The following SPECC1 variants were observed in gnomAD, a reference collection of about 807,000 sequenced individuals.
The protein encoded by SPECC1 is sperm antigen with calponin homology and coiled-coil domains 1, also known as cytospin-B.
A neutral mutation model predicts 104.1 loss-of-function variants in SPECC1; 62 were observed. The ratio of observed to expected loss-of-function variants is 0.60; its 90% confidence interval spans 0.49 to 0.74. The LOEUF is 0.74. Ranked by LOEUF, SPECC1 falls within the 30% of genes least tolerant of loss-of-function variation. The probability of loss-of-function intolerance (pLI) is 0.00; values close to 1 mark genes in which losing one functional copy is unlikely to be tolerated. For missense variants in SPECC1, 1,306 were observed against 1,310.5 expected, an observed-to-expected ratio of 1.00 and a Z score of 0.05; for synonymous variants, 513 against 501.6, an observed-to-expected ratio of 1.02 and a Z score of -0.30.
chr17:20,167,539 A>T (rs918687930), intron 3 of SPECC1, among the ~76,000 whole-genome samples: 1 of 152,126 alleles, frequency 6.6e-6, no homozygotes, highest in Non-Finnish European at 1.5e-5. Flanking sequence ...TTAGACGGGC[A>T]TAGTGGTGCA....
intron 3 of SPECC1, among the ~76,000 whole-genome samples, chr17:20,143,375 G>T (rs2031071301): frequency 7.0e-6 from 1 of 143,720 alleles, no homozygotes. Context: ...AACAGAGCAA[G>T]ATCAAGTTTC....
At chr17:20,104,493 G>T (rs1187106160) in intron 2 of SPECC1, among the ~76,000 whole-genome samples, 1 of 151,834 alleles carries the variant, frequency 6.6e-6, no homozygotes, top group African/African-American at 2.4e-5. Context: ...CTGTAATCCC[G>T]CCACTTTGGG....
chr17:20,118,056 AATC>A (rs1163472135), intron 3 of SPECC1, among the ~76,000 whole-genome samples: 3 of 152,076 alleles, frequency 2.0e-5, no homozygotes, highest in Admixed American at 6.6e-5. Context: ...AGTGAACTGA[AATC>A]ATGCCACTGC....
At chr17:20,171,121 C>G (rs2034056824) in intron 3 of SPECC1, among the ~76,000 whole-genome samples, 1 of 152,206 alleles carries the variant, frequency 6.6e-6, no homozygotes, top group African/African-American at 2.4e-5. Flanking sequence ...GCTCTCCCCT[C>G]AGTCGTATGT....
At chr17:20,288,296 T>A (rs2041029074) in intron 12 of SPECC1, among the ~76,000 whole-genome samples, 1 of 152,208 alleles carries the variant, frequency 6.6e-6, no homozygotes, top group African/African-American at 2.4e-5. Flanking sequence ...TATATTCATT[T>A]GGGTATATAA....
intron 9 of SPECC1, among the ~76,000 whole-genome samples, chr17:20,252,156 T>C (rs189211051): frequency 6.6e-6 from 1 of 152,324 alleles, no homozygotes; most frequent in Admixed American, 6.5e-5. Flanking sequence ...GAAATGCTTT[T>C]TTAAATGGCA....
chr17:20,235,794 T>G (rs957475084), intron 7 of SPECC1, among the ~76,000 whole-genome samples: 3 of 151,930 alleles, frequency 2.0e-5, no homozygotes, highest in African/African-American at 7.2e-5. Flanking sequence ...GCCTAATTAA[T>G]GCTGTTGGTT....
In SPECC1 at chr17:20,316,666, G is replaced by A. The variant is rs1171225744; in HGVS notation, c.*2601G>A. On this transcript the variant is annotated 3_prime_UTR_variant, in exon 15 of 15. Transcript: ENST00000395527. ...ATTACAGGCATGAGCCACTGAGCCCGGCTGTTTTTTTGTGTTTTTTTTGTT... is the reference window on the plus strand; with the variant it reads ...ATTACAGGCATGAGCCACTGAGCCCAGCTGTTTTTTTGTGTTTTTTTTGTT... 8 of 186,442 alleles carry A rather than the reference G, an allele frequency of 4.3e-5. No individual in the cohort carries two copies. The highest frequency in any genetic ancestry group is 3.5e-4 in the East Asian group (4 of 11,572). 11.5% of individuals were successfully genotyped at this position (186,442 alleles called of 1,614,324 possible).
chr17:20,105,565 C>T (rs541006397), intron 2 of SPECC1, among the ~76,000 whole-genome samples: 40 of 152,256 alleles, frequency 2.6e-4, no homozygotes, highest in African/African-American at 7.9e-4. Context: ...ACAAACCCTG[C>T]GATGCAGCAC....
Position 20,203,710 on chromosome 17 carries a change from A to G in SPECC1, c.284-623A>G, listed in dbSNP as rs368289851. 2.6e-4 allele frequency among the ~76,000 whole-genome samples: 39 copies of G among 152,342 alleles called. 1 individual carries two copies. The South Asian group carries it at 7.2e-3, about 28-fold the overall frequency. On this transcript the variant is annotated intron_variant, in intron 3 of 14. Coordinates refer to ENST00000395527, the MANE Select transcript of SPECC1 (RefSeq NM_001243439.2). The stretch of plus-strand genomic sequence containing the variant: ...ATTGAGAAATTCACAAAGAACTTGT[A>G]TTTTGTCAAAAGGCCATTGTTTTTG...
At chr17:20,165,235 T>C (rs777584734) in intron 3 of SPECC1, among the ~76,000 whole-genome samples, 3 of 151,930 alleles carry the variant, frequency 2.0e-5, no homozygotes, top group Non-Finnish European at 4.4e-5. Context: ...TGTGTGTTGT[T>C]CCCCCCACCC....
intron 1 of SPECC1, among the ~76,000 whole-genome samples, chr17:20,028,520 G>A (rs1052692390): frequency 6.6e-6 from 1 of 152,000 alleles, no homozygotes; most frequent in Non-Finnish European, 1.5e-5. Context: ...TACCATAGAT[G>A]TTTAGGCTTG....
At chr17:20,202,633 T>G (rs186946531) in intron 3 of SPECC1, among the ~76,000 whole-genome samples, 1 of 152,328 alleles carries the variant, frequency 6.6e-6, no homozygotes, top group African/African-American at 2.4e-5. Context: ...TTCTATCTCA[T>G]TTTATCTTAA....
intron 12 of SPECC1, among the ~76,000 whole-genome samples, chr17:20,292,286 C>T (rs7225533): frequency 0.99 from 150,159 of 152,038 alleles, 74,162 homozygotes; most frequent in East Asian, 1. Flanking sequence ...ATGATTCCAG[C>T]GAACTGGATG....
intron 12 of SPECC1, among the ~76,000 whole-genome samples, chr17:20,282,105 G>A (rs2040791097): frequency 6.6e-6 from 1 of 152,270 alleles, no homozygotes; most frequent in South Asian, 2.1e-4. Context: ...CAGACCCTGT[G>A]TCACAATGCC....
At chr17:20,054,972 T>A (rs1242328080) in intron 1 of SPECC1, among the ~76,000 whole-genome samples, 2 of 152,204 alleles carry the variant, frequency 1.3e-5, no homozygotes, top group Non-Finnish European at 2.9e-5. Context: ...CTTAACAAAT[T>A]TTTAAGTGTA....
chr17:20,282,011 A>C (rs935650816), intron 12 of SPECC1, among the ~76,000 whole-genome samples: 5 of 152,254 alleles, frequency 3.3e-5, no homozygotes, highest in Admixed American at 6.5e-5. Flanking sequence ...TAGCACTGCC[A>C]GTGGAACTGC....
At position 20,080,810 on chromosome 17, in the gene SPECC1, G is replaced by A. The variant is rs779547879; in HGVS notation, c.-21-15821G>A. ...CAGCAGCTTTTTTGAACTGGCTTGGGATGCTGAGAGATTTGGGCATCCCTT... is the reference window on the plus strand; with the variant it reads ...CAGCAGCTTTTTTGAACTGGCTTGGAATGCTGAGAGATTTGGGCATCCCTT... On this transcript the variant is annotated intron_variant, in intron 1 of 14. Coordinates refer to ENST00000395527, the MANE Select transcript of SPECC1 (RefSeq NM_001243439.2). Among the ~76,000 whole-genome samples the A allele has an allele frequency of 4.3e-4, 65 of 152,256 alleles. 1 individual carries two copies. Among genetic ancestry groups the A allele is most frequent in the Middle Eastern group, 6.8e-3 (2 of 294 alleles).
chr17:20,047,762 TA>T (rs2045593718), intron 1 of SPECC1, among the ~76,000 whole-genome samples: 1 of 152,064 alleles, frequency 6.6e-6, no homozygotes, highest in African/African-American at 2.4e-5. Flanking sequence ...CACGCCTGGC[TA>T]ATTTTTTGTA....
Sources: gnomAD v4.1 joint callset for allele counts (sites outside exome capture counted in the v4.1 genomes callset) on GRCh38, gnomAD v4.1.1 for gene constraint, MANE v1.5 for transcripts, NCBI Gene and HGNC (gene_info 2026-07-23, HGNC 2026-07-21) for gene names.